SLAMF1: variants seen among roughly 807,000 people sequenced by gnomAD.
SLAMF1 encodes the protein signaling lymphocytic activation molecule.
A neutral mutation model predicts 35.1 loss-of-function variants in SLAMF1; 18 were observed. The ratio of observed to expected loss-of-function variants is 0.51; its 90% CI spans 0.35 to 0.76. The LOEUF (loss-of-function observed/expected upper bound fraction) is 0.76, where lower values mean the gene tolerates loss of function less well. Ranked by LOEUF, SLAMF1 falls within the 30% of genes least tolerant of loss-of-function variation. The pLI, the probability that SLAMF1 is intolerant of heterozygous loss-of-function variation, is 0.01. For missense variants in SLAMF1, 392 were observed against 413.0 expected (o/e 0.95, Z 0.44); for synonymous variants, 168 against 157.2 (o/e 1.07, Z -0.51).
chr1:160,640,432 C>A (rs909714471), intron 1 of SLAMF1, among the ~76,000 whole-genome samples: 3 of 143,834 alleles, frequency 2.1e-5, no homozygotes, highest in Non-Finnish European at 3.0e-5. Context: ...ATATATATAT[C>A]TGAACTTAAC....
At chr1:160,624,067 TAAG>T (rs1442258973) in intron 4 of SLAMF1, 26 bp downstream of exon 4, 1 of 1,465,284 alleles carries the variant, frequency 6.8e-7, no homozygotes, top group African/African-American at 1.4e-5. Flanking sequence ...GAGAGTGTGA[TAAG>T]AATCTATTTA....
chr1:160,630,190 T>C (rs1660093151), intron 3 of SLAMF1, among the ~76,000 whole-genome samples: 1 of 152,224 alleles, frequency 6.6e-6, no homozygotes, highest in African/African-American at 2.4e-5. Flanking sequence ...TGTCCACAGC[T>C]GACCCACATC....
intron 5 of SLAMF1, among the ~76,000 whole-genome samples, chr1:160,616,369 CT>C (rs1659302233): frequency 9.2e-6 from 1 of 108,148 alleles, no homozygotes; most frequent in Admixed American, 1.1e-4. Flanking sequence ...ATACCAGCCA[CT>C]GCAGTGCCTT....
chr1:160,632,915 C>T (rs575435009), intron 3 of SLAMF1, among the ~76,000 whole-genome samples: 7 of 152,056 alleles, frequency 4.6e-5, no homozygotes, highest in Non-Finnish European at 1.0e-4. Flanking sequence ...CTTACTTAAC[C>T]ATGTTATAGC....
chr1:160,623,184 G>GT (rs937858646), intron 4 of SLAMF1, among the ~76,000 whole-genome samples: 2 of 152,134 alleles, frequency 1.3e-5, no homozygotes, highest in African/African-American at 4.8e-5. Context: ...GTTAAGTTCA[G>GT]TTTTCTCATC....
chr1:160,632,025 G>A (rs1234910768), intron 3 of SLAMF1, among the ~76,000 whole-genome samples: 3 of 151,762 alleles, frequency 2.0e-5, no homozygotes, highest in African/African-American at 7.3e-5. Context: ...GCCAGGGAGA[G>A]GCGCCTGGGA....
rs1400039634 is a variant in SLAMF1 at position 160,609,609 on chromosome 1, C to G, written c.*1139G>C. ...AGGGCTTAAATTGAGGACAGCCTGTCTAAAAGCAGAGAATAGGAAAAAACA... is the reference window on the plus strand; with the variant it reads ...AGGGCTTAAATTGAGGACAGCCTGTGTAAAAGCAGAGAATAGGAAAAAACA... On this transcript the variant is annotated 3_prime_UTR_variant, in exon 7 of 7. Transcript: ENST00000302035. The G allele has an allele frequency of 6.6e-6, 1 of 152,158 alleles. No homozygotes were observed. The highest frequency in any genetic ancestry group is 1.5e-5 in the Non-Finnish European group (1 of 68,038). 9.4% of individuals were successfully genotyped at this position (152,158 alleles called of 1,614,324 possible). A position where few individuals can be genotyped will look rare whatever the true frequency, so the allele number is the denominator to read the frequency against.
chr1:160,645,118 C>G (rs1660969221), intron 1 of SLAMF1, among the ~76,000 whole-genome samples: 1 of 152,146 alleles, frequency 6.6e-6, no homozygotes, highest in Non-Finnish European at 1.5e-5. Context: ...GAAAAATTCA[C>G]TTTACTTGGG....
intron 5 of SLAMF1, among the ~76,000 whole-genome samples, chr1:160,614,691 T>G (rs1228010043): frequency 6.6e-6 from 1 of 152,136 alleles, no homozygotes; most frequent in African/African-American, 2.4e-5. Flanking sequence ...GCAAATAACT[T>G]ACATTTTTAA....
At chr1:160,635,571 CTT>C (rs36085536) in intron 2 of SLAMF1, among the ~76,000 whole-genome samples, 32 of 136,858 alleles carry the variant, frequency 2.3e-4, no homozygotes, top group Admixed American at 3.7e-4. Flanking sequence ...CATTCATCAT[CTT>C]TTTTTTTTTT....
In SLAMF1 at chr1:160,612,489, TG is replaced by T; in HGVS notation, c.955del (p.Gln319ArgfsTer12). On this transcript the variant is annotated frameshift_variant and splice_region_variant, in exon 6 of 7. Coordinates refer to ENST00000302035, the MANE Select transcript of SLAMF1 (RefSeq NM_003037.5). LOFTEE classifies it high-confidence loss of function. ...AGAGTAGGCAGAGAGATGCCTCACC[TG>T]GACAGACTCTGGGACAGGCTCTGTG... Reference protein sequence around the residue: ...AATEPVPESVQETNSITVYAS... With the variant: ...AATEPVPESVXETNSITVYAS... 6.2e-7 allele frequency: 1 copy of T among 1,602,902 alleles called. No individual in the cohort carries two copies. The highest frequency in any genetic ancestry group is 1.1e-5 in the South Asian group (1 of 90,498).
At chr1:160,628,719 T>C (rs1570989510) in intron 3 of SLAMF1, among the ~76,000 whole-genome samples, 3 of 152,194 alleles carry the variant, frequency 2.0e-5, no homozygotes, top group African/African-American at 7.2e-5. Flanking sequence ...AAAAAGACTG[T>C]CACGTAGCTT....
At position 160,609,359 on chromosome 1, in the gene SLAMF1, T is replaced by C. The variant is rs1658859470; in HGVS notation, c.*1389A>G. The C allele has an allele frequency of 6.6e-6, 1 of 152,208 alleles. No homozygotes were observed. Among genetic ancestry groups the C allele is most frequent in the East Asian group, 1.9e-4 (1 of 5,202 alleles). The allele number at this position is 152,208 out of a possible 1,614,324, so 9.4% of individuals were successfully genotyped here. ...ATAAAAAAGCCAAAGCCAGCTTCTG[T>C]TGATTGCAACTAAGAACTCTATTAA... is the stretch of plus-strand genomic sequence containing the variant. On this transcript the variant is annotated 3_prime_UTR_variant, in exon 7 of 7. Coordinates refer to ENST00000302035, the MANE Select transcript of SLAMF1 (RefSeq NM_003037.5).
At position 160,634,680 on chromosome 1, in the gene SLAMF1, C is replaced by G. The variant is rs754453326; in HGVS notation, c.633G>C (p.Val211=). 3 of 1,613,962 alleles carry G rather than the reference C, an allele frequency of 1.9e-6. No individual in the cohort carries two copies. The African/African-American group carries it at 4.0e-5, about 22-fold the overall frequency. ...GGGAATTGTTGCTGATAGGGTTGCT[C>G]ACGGTGCAGATGTAGATATTGTCAG... is the stretch of plus-strand genomic sequence containing the variant. ...QHADNIYICT[V]SNPISNNSQT... Residue 211 remains valine, a synonymous_variant, in exon 3 of 7, where the codon GTG becomes GTC. Coordinates refer to ENST00000302035, the MANE Select transcript of SLAMF1 (RefSeq NM_003037.5).
At chr1:160,618,099 ACG>A (rs1659407238) in intron 5 of SLAMF1, among the ~76,000 whole-genome samples, 1 of 152,050 alleles carries the variant, frequency 6.6e-6, no homozygotes, top group Non-Finnish European at 1.5e-5. Flanking sequence ...AACAAAAAAC[ACG>A]CAACACTGAA....
chr1:160,630,207 C>T (rs1180785154), intron 3 of SLAMF1, among the ~76,000 whole-genome samples: 1 of 152,236 alleles, frequency 6.6e-6, no homozygotes, highest in Non-Finnish European at 1.5e-5. Context: ...CATCCACTGG[C>T]TTCACATGAC....
At chr1:160,636,050 T>G (rs777652745) in intron 2 of SLAMF1, among the ~76,000 whole-genome samples, 1 of 152,170 alleles carries the variant, frequency 6.6e-6, no homozygotes, top group Non-Finnish European at 1.5e-5. Context: ...TTCCTTTGGC[T>G]TGAGAAAAAT....
At chr1:160,645,790 C>A (rs1024556858) in intron 1 of SLAMF1, among the ~76,000 whole-genome samples, 69 of 152,170 alleles carry the variant, frequency 4.5e-4, no homozygotes, top group African/African-American at 1.6e-3. Flanking sequence ...AAGCCCTGTT[C>A]GTCTGGCTGT....
intron 3 of SLAMF1, among the ~76,000 whole-genome samples, chr1:160,626,434 C>T (rs1659883078): frequency 6.6e-6 from 1 of 152,206 alleles, no homozygotes; most frequent in African/African-American, 2.4e-5. Flanking sequence ...AAGCTTCTGC[C>T]AGTCCATCTA....
Sources: allele counts gnomAD v4.1 joint callset (sites outside exome capture counted in the v4.1 genomes callset), GRCh38; gene constraint gnomAD v4.1.1; transcripts MANE v1.5; gene names NCBI Gene and HGNC (gene_info 2026-07-23, HGNC 2026-07-21).